Variants in SEMA3E observed in about 807,000 individuals in gnomAD.
The protein encoded by SEMA3E is semaphorin 3E.
Under a neutral mutation model 93.6 loss-of-function variants are expected in SEMA3E, and 49 were observed. The observed-to-expected ratio is 0.52, with a 90% CI of 0.42 to 0.66. SEMA3E has a LOEUF of 0.66. SEMA3E is among the 30% of genes least tolerant of loss of function. The pLI is 0.00. For synonymous variants in SEMA3E, 363 were observed against 330.7 expected, an observed-to-expected ratio of 1.10 and a Z score of -1.06; for missense variants, 906 against 964.8, an observed-to-expected ratio of 0.94 and a Z score of 0.81.
At chr7:83,527,194 A>G (rs917437584) in intron 1 of SEMA3E, among the ~76,000 whole-genome samples, 1 of 152,094 alleles carries the variant, frequency 6.6e-6, no homozygotes, top group Non-Finnish European at 1.5e-5. Context: ...GGGGGGAAAA[A>G]AAGGTTTTTT....
intron 1 of SEMA3E, among the ~76,000 whole-genome samples, chr7:83,630,054 C>T (rs764986303): frequency 7.9e-5 from 12 of 152,136 alleles, no homozygotes; most frequent in Non-Finnish European, 1.3e-4. Context: ...TTCCCCAACC[C>T]CTTGCACTTC....
chr7:83,398,741 C>T (rs1042265746), intron 11 of SEMA3E, among the ~76,000 whole-genome samples: 3 of 152,110 alleles, frequency 2.0e-5, no homozygotes, highest in East Asian at 3.9e-4. Context: ...GTCAGGAGTT[C>T]GAGACCAGCC....
At chr7:83,409,644 C>A (rs922399873) in intron 5 of SEMA3E, among the ~76,000 whole-genome samples, 1 of 151,808 alleles carries the variant, frequency 6.6e-6, no homozygotes, top group African/African-American at 2.4e-5. Flanking sequence ...GTATTTCCAA[C>A]TTAATATATC....
chr7:83,463,295 A>G (rs2466438), intron 4 of SEMA3E, among the ~76,000 whole-genome samples: 3 of 151,324 alleles, frequency 2.0e-5, no homozygotes, highest in Non-Finnish European at 4.4e-5. Context: ...TAGCCTAGCC[A>G]TCATGTCTGG....
At chr7:83,641,610 A>T (rs1794011770) in intron 1 of SEMA3E, among the ~76,000 whole-genome samples, 1 of 152,206 alleles carries the variant, frequency 6.6e-6, no homozygotes, top group Non-Finnish European at 1.5e-5. Context: ...TTCTTACAAT[A>T]ACTTACAAAC....
At position 83,528,522 on chromosome 7, in the gene SEMA3E, T is replaced by C. The variant is rs143960589; in HGVS notation, c.116-38248A>G. 7.0e-3 allele frequency among the ~76,000 whole-genome samples: 1,059 copies of C among 152,210 alleles called. 15 individuals carry two copies. Among genetic ancestry groups the C allele is most frequent in the African/African-American group, 0.024 (1,008 of 41,552 alleles). On this transcript the variant is annotated intron_variant, in intron 1 of 16. Transcript: ENST00000643230. Reference sequence around the variant, plus strand: ...CGAAGCTTGGCATAGATAAGTAATATTGCCAAAATTTCTTTATAAGTTCAA... The same window carrying C: ...CGAAGCTTGGCATAGATAAGTAATACTGCCAAAATTTCTTTATAAGTTCAA...
At chr7:83,492,846 A>C (rs1220356250) in intron 1 of SEMA3E, among the ~76,000 whole-genome samples, 1 of 151,940 alleles carries the variant, frequency 6.6e-6, no homozygotes, top group Non-Finnish European at 1.5e-5. Flanking sequence ...TTTAATGACT[A>C]TCTTATGGTC....
At chr7:83,530,282 T>A (rs1791260795) in intron 1 of SEMA3E, among the ~76,000 whole-genome samples, 1 of 152,236 alleles carries the variant, frequency 6.6e-6, no homozygotes, top group Non-Finnish European at 1.5e-5. Context: ...AACAAAAAAA[T>A]TAATTTTTAA....
At chr7:83,476,584 C>A (rs1007921550) in intron 2 of SEMA3E, among the ~76,000 whole-genome samples, 1 of 152,118 alleles carries the variant, frequency 6.6e-6, no homozygotes, top group Non-Finnish European at 1.5e-5. Context: ...AGGACTGCAA[C>A]CAAACGTTAA....
chr7:83,592,959 T>C (rs1023817193), intron 1 of SEMA3E, among the ~76,000 whole-genome samples: 8 of 80,856 alleles, frequency 9.9e-5, no homozygotes, highest in African/African-American at 1.7e-4. Context: ...TTAATAAACA[T>C]TTTTTTTCTT....
intron 16 of SEMA3E, among the ~76,000 whole-genome samples, chr7:83,382,770 A>G (rs930632025): frequency 6.6e-6 from 1 of 151,836 alleles, no homozygotes; most frequent in Admixed American, 6.6e-5. Flanking sequence ...AATAAAATAT[A>G]TAGAGATTAT....
Position 83,457,248 on chromosome 7 carries a change from T to C in SEMA3E, c.456+9234A>G, listed in dbSNP as rs540978042. 7.9e-5 allele frequency among the ~76,000 whole-genome samples: 12 copies of C among 152,248 alleles called. No individual in the cohort carries two copies. The South Asian group carries it at 2.3e-3, about 29-fold the overall frequency. ...ACAGACAGAGAGAGAGAGAGAAGACTCTCAGAGGAAACTATTAACTACTCC... is the reference window on the plus strand; with the variant it reads ...ACAGACAGAGAGAGAGAGAGAAGACCCTCAGAGGAAACTATTAACTACTCC... On this transcript the variant is annotated intron_variant, in intron 4 of 16. Coordinates refer to ENST00000643230, the MANE Select transcript of SEMA3E (RefSeq NM_012431.3).
At chr7:83,436,026 T>C (rs1788997284) in intron 4 of SEMA3E, among the ~76,000 whole-genome samples, 2 of 152,172 alleles carry the variant, frequency 1.3e-5, no homozygotes, top group African/African-American at 4.8e-5. Context: ...TCATGATGTG[T>C]TTATATCATA....
chr7:83,391,344 A>G (rs1013548748), intron 14 of SEMA3E, among the ~76,000 whole-genome samples: 1 of 152,148 alleles, frequency 6.6e-6, no homozygotes, highest in Non-Finnish European at 1.5e-5. Flanking sequence ...TTTAGGTTCC[A>G]ATTTCCTTTA....
At chr7:83,538,172 C>T (rs1360197398) in intron 1 of SEMA3E, among the ~76,000 whole-genome samples, 1 of 152,052 alleles carries the variant, frequency 6.6e-6, no homozygotes, top group African/African-American at 2.4e-5. Context: ...CATTTGTATA[C>T]AAGTTTCTGT....
At chr7:83,468,096 G>A (rs1355406441) in intron 3 of SEMA3E, among the ~76,000 whole-genome samples, 2 of 152,160 alleles carry the variant, frequency 1.3e-5, no homozygotes, top group Non-Finnish European at 2.9e-5. Flanking sequence ...GACCTGTTGT[G>A]ATTTCAGCAC....
chr7:83,523,646 G>A (rs1791094106), intron 1 of SEMA3E, among the ~76,000 whole-genome samples: 1 of 151,706 alleles, frequency 6.6e-6, no homozygotes, highest in Admixed American at 6.6e-5. Flanking sequence ...CTCCCTCTCT[G>A]GCCAATCACC....
intron 16 of SEMA3E, among the ~76,000 whole-genome samples, chr7:83,379,429 A>T (rs1333490274): frequency 6.6e-6 from 1 of 151,904 alleles, no homozygotes; most frequent in Non-Finnish European, 1.5e-5. Context: ...AAGTTTTGTT[A>T]GTTCTAAATA....
chr7:83,566,124 A>C (rs1792147094), intron 1 of SEMA3E, among the ~76,000 whole-genome samples: 1 of 148,264 alleles, frequency 6.7e-6, no homozygotes, highest in African/African-American at 2.5e-5. Flanking sequence ...CAGCCTCCTG[A>C]GTAGCTGTGA....
Sources: gnomAD v4.1 joint callset for allele counts (sites outside exome capture counted in the v4.1 genomes callset) on GRCh38, gnomAD v4.1.1 for gene constraint, MANE v1.5 for transcripts, NCBI Gene and HGNC (gene_info 2026-07-23, HGNC 2026-07-21) for gene names.